Variants in GPC6 observed in about 807,000 individuals in gnomAD.
GPC6 encodes glypican 6.
GPC6 carries 14 observed loss-of-function variants against 55.2 expected under a neutral mutation model. The ratio of observed to expected loss-of-function variants is 0.25; its 90% CI spans 0.17 to 0.40. The LOEUF (loss-of-function observed/expected upper bound fraction) is 0.40. GPC6 is among the 10% of genes least tolerant of loss of function. GPC6 has a pLI of 1.00. For missense variants in GPC6, 641 were observed against 708.5 expected (o/e 0.90, Z 1.08); for synonymous variants, 278 against 259.6 (o/e 1.07, Z -0.68).
rs983692438 is a variant in GPC6 at position 94,404,516 on chromosome 13, G to A, written c.*1299G>A. 2 of 152,156 alleles carry A rather than the reference G, an allele frequency of 1.3e-5. No individual in the cohort carries two copies. The highest frequency in any genetic ancestry group is 1.3e-4 in the Admixed American group (2 of 15,278). 9.4% of individuals were successfully genotyped at this position (152,156 alleles called of 1,614,324 possible). On this transcript the variant is annotated 3_prime_UTR_variant, in exon 9 of 9. Transcript: ENST00000377047. The stretch of plus-strand genomic sequence containing the variant: ...CAAAGAAGGGATTCCTCAGTGATCG[G>A]TGAGCACCAAGAATCAAGAAAGAGA...
chr13:93,485,177 A>G (rs1879656460), intron 1 of GPC6, among the ~76,000 whole-genome samples: 1 of 152,230 alleles, frequency 6.6e-6, no homozygotes, highest in African/African-American at 2.4e-5. Context: ...GACTAAAATT[A>G]ACCAAATAAT....
At chr13:93,378,996 G>A (rs374025991) in intron 1 of GPC6, among the ~76,000 whole-genome samples, 32 of 136,952 alleles carry the variant, frequency 2.3e-4, no homozygotes, top group South Asian at 9.3e-4. Flanking sequence ...CTCCATCTCA[G>A]AAAAAAAAAA....
chr13:93,887,191 A>T (rs1020916833), intron 3 of GPC6, among the ~76,000 whole-genome samples: 1 of 152,118 alleles, frequency 6.6e-6, no homozygotes, highest in Non-Finnish European at 1.5e-5. Context: ...CATTTGAGTC[A>T]TTAAATGTAA....
intron 3 of GPC6, among the ~76,000 whole-genome samples, chr13:93,943,549 A>G (rs1043136356): frequency 2.6e-5 from 4 of 152,144 alleles, no homozygotes; most frequent in Non-Finnish European, 5.9e-5. Context: ...CCCTCTGCTC[A>G]ATTGCATTTA....
At chr13:93,583,083 G>C (rs1288873528) in intron 2 of GPC6, among the ~76,000 whole-genome samples, 3 of 152,204 alleles carry the variant, frequency 2.0e-5, no homozygotes, top group Non-Finnish European at 4.4e-5. Context: ...ACCCCAGATA[G>C]CTAAATGAGA....
chr13:93,610,026 G>T (rs568186669), intron 2 of GPC6, among the ~76,000 whole-genome samples: 1 of 152,278 alleles, frequency 6.6e-6, no homozygotes, highest in South Asian at 2.1e-4. Flanking sequence ...GCTGTTTCCT[G>T]TGACCCTGTC....
At chr13:94,393,268 A>G (rs1012009751) in intron 7 of GPC6, among the ~76,000 whole-genome samples, 3 of 152,160 alleles carry the variant, frequency 2.0e-5, no homozygotes, top group Non-Finnish European at 4.4e-5. Flanking sequence ...GTTGCAATCC[A>G]CAATCAAACA....
chr13:93,406,250 T>G, intron 1 of GPC6, among the ~76,000 whole-genome samples: 1 of 152,192 alleles, frequency 6.6e-6, no homozygotes, highest in East Asian at 1.9e-4. Context: ...GTTAAAACAC[T>G]TCTCAAGCAA....
chr13:93,256,936 T>C (rs1876973048), intron 1 of GPC6, among the ~76,000 whole-genome samples: 3 of 152,148 alleles, frequency 2.0e-5, no homozygotes, highest in Non-Finnish European at 2.9e-5. Context: ...GCTAATGTTA[T>C]ACATTATTTT....
At chr13:94,286,918 G>C (rs1892548586) in intron 5 of GPC6, among the ~76,000 whole-genome samples, 1 of 150,896 alleles carries the variant, frequency 6.6e-6, no homozygotes, top group African/African-American at 2.4e-5. Flanking sequence ...CATCCCATCT[G>C]ACTTCCTTTT....
intron 5 of GPC6, among the ~76,000 whole-genome samples, chr13:94,297,026 G>A (rs1010386077): frequency 2.0e-5 from 3 of 152,002 alleles, no homozygotes; most frequent in East Asian, 3.9e-4. Flanking sequence ...TTTGTTAAAC[G>A]CAGTTGTTAC....
intron 1 of GPC6, among the ~76,000 whole-genome samples, chr13:93,522,144 C>T (rs560522043): frequency 6.6e-6 from 1 of 152,030 alleles, no homozygotes; most frequent in Admixed American, 6.6e-5. Context: ...GGCACACCCT[C>T]TGGGTTATCT....
At chr13:93,332,422 T>G (rs1003881975) in intron 1 of GPC6, among the ~76,000 whole-genome samples, 2 of 152,080 alleles carry the variant, frequency 1.3e-5, no homozygotes, top group Admixed American at 6.6e-5. Context: ...TGGGGTGAGA[T>G]TTGCTCATTG....
intron 3 of GPC6, among the ~76,000 whole-genome samples, chr13:93,839,255 G>A (rs1015732251): frequency 9.9e-5 from 15 of 152,026 alleles, no homozygotes; most frequent in South Asian, 2.1e-4. Context: ...AGCTTGGTTC[G>A]TGGACTGCTG....
intron 4 of GPC6, among the ~76,000 whole-genome samples, chr13:94,282,514 T>G (rs1463537437): frequency 6.6e-6 from 1 of 152,140 alleles, no homozygotes; most frequent in African/African-American, 2.4e-5. Context: ...CAAATGAGAT[T>G]TGGGTGGGGA....
rs931864495 is a variant in GPC6, at chr13:93,497,756, T to G, written c.161-47507T>G. ...CCAAGTCTCACATAAACTTAGTTTGTACCCTGTATTAACTGAACCATAGAA... is the reference window on the plus strand; with the variant it reads ...CCAAGTCTCACATAAACTTAGTTTGGACCCTGTATTAACTGAACCATAGAA... On this transcript the variant is annotated intron_variant, in intron 1 of 8. Transcript: ENST00000377047. Among the ~76,000 whole-genome samples, 5 of 152,358 alleles carry G rather than the reference T, an allele frequency of 3.3e-5. No homozygotes were observed. The East Asian group carries it at 9.6e-4, about 29-fold the overall frequency.
intron 1 of GPC6, among the ~76,000 whole-genome samples, chr13:93,401,526 T>TAA (rs55690289): frequency 3.2e-4 from 46 of 145,806 alleles, no homozygotes; most frequent in East Asian, 8.2e-4. Context: ...TAGGTTGCAC[T>TAA]AAAAAAAAAA....
intron 4 of GPC6, among the ~76,000 whole-genome samples, chr13:94,243,038 T>C (rs1891100215): frequency 6.6e-6 from 1 of 152,074 alleles, no homozygotes; most frequent in Non-Finnish European, 1.5e-5. Flanking sequence ...TCCAAGAGAA[T>C]TGATCTCCAT....
At chr13:93,686,474 C>T (rs1442588749) in intron 2 of GPC6, among the ~76,000 whole-genome samples, 1 of 152,056 alleles carries the variant, frequency 6.6e-6, no homozygotes, top group Non-Finnish European at 1.5e-5. Context: ...TGGAGGCTGT[C>T]CTGTTTTCTT....
Sources: gnomAD v4.1 joint callset for allele counts (sites outside exome capture counted in the v4.1 genomes callset) on GRCh38, gnomAD v4.1.1 for gene constraint, MANE v1.5 for transcripts, NCBI Gene and HGNC (gene_info 2026-07-23, HGNC 2026-07-21) for gene names.